DPY19L1: variants seen among roughly 807,000 people sequenced by gnomAD.
DPY19L1 encodes the protein protein C-mannosyl-transferase DPY19L1.
Under a neutral mutation model 96.9 loss-of-function variants are expected in DPY19L1, and 35 were observed. The observed-to-expected ratio is 0.36, with a 90% CI of 0.28 to 0.48. The LOEUF is 0.48. Among genes scored for constraint, DPY19L1 ranks in the 20% least tolerant of loss-of-function variants. DPY19L1 has a pLI of 0.99. For synonymous variants in DPY19L1, 205 were observed against 252.6 expected (o/e 0.81, Z 1.79); for missense variants, 521 against 777.9 (o/e 0.67, Z 3.93).
In DPY19L1 at chr7:34,940,280, A is replaced by G; in HGVS notation, c.1737T>C (p.Phe579=). The G allele has an allele frequency of 6.2e-7, 1 of 1,611,914 alleles. No individual in the cohort carries two copies. The highest frequency in any genetic ancestry group is 8.5e-7 in the Non-Finnish European group (1 of 1,179,812). ...FCKVHPGAIV[F]AILAAMSIQG... is the part of the protein sequence containing the mutation. ...GTATTGACATTGCTGCTAATATAGC[A>G]AACACAATAGCACCAGGATGTACTT... The change falls in exon 19 of 22, where the codon TTT becomes TTC. Residue 579 remains phenylalanine (F), a synonymous_variant. Coordinates refer to ENST00000638088, the MANE Select transcript of DPY19L1 (RefSeq NM_001366673.1).
intron 21 of DPY19L1, among the ~76,000 whole-genome samples, chr7:34,934,368 C>T (rs1295095180): frequency 1.3e-5 from 2 of 152,156 alleles, no homozygotes; most frequent in Admixed American, 6.5e-5. Context: ...AACAATAAAA[C>T]GTGGAACCAT....
chr7:35,023,736 C>T (rs1786049873), intron 1 of DPY19L1, among the ~76,000 whole-genome samples: 1 of 152,058 alleles, frequency 6.6e-6, no homozygotes, highest in Non-Finnish European at 1.5e-5. Flanking sequence ...GCTCCTTCCA[C>T]TGTGACAGAG....
rs746557160 is a variant in DPY19L1 at position 34,949,892 on chromosome 7, T to C, written c.1327A>G (p.Ile443Val). Reference protein sequence around the residue: ...KIFGIADDAHIGNLLTSKFFS... With the variant: ...KIFGIADDAHVGNLLTSKFFS... ...AATTTTGATGTTAGTAAGTTGCCAATATGAGCCTGGTAAGAAATAAAGTTA... is the reference window on the plus strand; with the variant it reads ...AATTTTGATGTTAGTAAGTTGCCAACATGAGCCTGGTAAGAAATAAAGTTA... Residue 443 changes from isoleucine to valine, a missense_variant, in exon 14 of 22, where the codon ATT becomes GTT. Coordinates refer to ENST00000638088, the MANE Select transcript of DPY19L1 (RefSeq NM_001366673.1). The C allele has an allele frequency of 1.3e-6, 2 of 1,552,294 alleles. No individual in the cohort carries two copies. Among genetic ancestry groups the C allele is most frequent in the African/African-American group, 1.4e-5 (1 of 72,538 alleles).
At chr7:35,017,501 CAAAAA>C (rs1161959357) in intron 3 of DPY19L1, among the ~76,000 whole-genome samples, 14 of 13,676 alleles carry the variant, frequency 1.0e-3, no homozygotes, top group African/African-American at 3.9e-3. Context: ...GACTCCGTCT[CAAAAA>C]AAAAAAAAAA....
chr7:34,976,503 T>C (rs552392326), intron 7 of DPY19L1, among the ~76,000 whole-genome samples: 2 of 152,304 alleles, frequency 1.3e-5, no homozygotes, highest in South Asian at 4.1e-4. Flanking sequence ...ATTTAGAACA[T>C]GACATAAACT....
intron 20 of DPY19L1, 153 bp downstream of exon 20, chr7:34,939,123 T>C (rs1227189497): frequency 1.6e-6 from 1 of 627,744 alleles, no homozygotes; most frequent in African/African-American, 1.9e-5. Flanking sequence ...GTTTAGAGCT[T>C]AGCGGTCTTA....
chr7:34,947,859 T>C (rs1198192487), intron 14 of DPY19L1, among the ~76,000 whole-genome samples, 158 bp from the exon 15 acceptor site: 6 of 152,178 alleles, frequency 3.9e-5, no homozygotes, highest in Non-Finnish European at 8.8e-5. Flanking sequence ...TGCATTTCCA[T>C]AGAAATGAAC....
At chr7:34,986,539 G>A (rs1375197706) in intron 7 of DPY19L1, among the ~76,000 whole-genome samples, 1 of 151,890 alleles carries the variant, frequency 6.6e-6, no homozygotes, top group Non-Finnish European at 1.5e-5. Context: ...TTATGATATT[G>A]GAATGTTCAC....
At chr7:35,008,079 T>C (rs149310355) in intron 6 of DPY19L1, among the ~76,000 whole-genome samples, 1,784 of 152,094 alleles carry the variant, frequency 0.012, 28 homozygotes, top group African/African-American at 0.039. Context: ...TGTCTCTCCC[T>C]GGTATGCTTT....
Position 34,940,166 on chromosome 7 carries a change from A to G in DPY19L1, c.1851T>C (p.Tyr617=), listed in dbSNP as rs760795216. 1.0e-4 allele frequency: 162 copies of G among 1,551,222 alleles called. 5 individuals are homozygous for G. The South Asian group carries it at 1.9e-3, about 18-fold the overall frequency. Residue 617 remains tyrosine, a synonymous_variant, in exon 19 of 22, where the codon TAT becomes TAC. Coordinates refer to ENST00000638088, the MANE Select transcript of DPY19L1 (RefSeq NM_001366673.1). ...PQEELIEWIK[Y]STKPDAVFAG... ...TTTTTTTTTTACCTGGTTTAGTACT[A>G]TATTTGATCCATTCTATAAGTTCTT...
At chr7:34,978,336 T>C (rs972828756) in intron 7 of DPY19L1, among the ~76,000 whole-genome samples, 2 of 152,180 alleles carry the variant, frequency 1.3e-5, no homozygotes, top group Non-Finnish European at 2.9e-5. Context: ...TGCTTTTCTA[T>C]ACTGATTATA....
At chr7:34,942,348 C>A (rs1005944069) in intron 17 of DPY19L1, among the ~76,000 whole-genome samples, 2 of 152,176 alleles carry the variant, frequency 1.3e-5, no homozygotes, top group African/African-American at 2.4e-5. Flanking sequence ...GCAATAGACA[C>A]CTCATACATA....
At chr7:35,002,146 AAC>A in intron 6 of DPY19L1, among the ~76,000 whole-genome samples, 1 of 151,082 alleles carries the variant, frequency 6.6e-6, no homozygotes, top group African/African-American at 2.4e-5. Context: ...AAAAAAACAA[AAC>A]AAAAAACAAC....
In DPY19L1 at chr7:34,969,615, G is replaced by A. The variant is rs538881342; in HGVS notation, c.915-83C>T. ...CCAAACTGCTGCAAATTAGAATCTC[G>A]AAATATATATGATCTGGTTATAACA... On this transcript the variant is annotated intron_variant, in intron 8 of 21. Transcript: ENST00000638088. 1.4e-4 allele frequency: 86 copies of A among 611,746 alleles called. No individual in the cohort carries two copies. In the African/African-American group the frequency reaches 1.5e-3, roughly 11 times the overall value. The allele number at this position is 611,746 out of a possible 1,614,324, so 37.9% of individuals were successfully genotyped here.
intron 6 of DPY19L1, among the ~76,000 whole-genome samples, chr7:35,009,799 T>G (rs777261947): frequency 6.6e-6 from 1 of 152,122 alleles, no homozygotes; most frequent in Non-Finnish European, 1.5e-5. Flanking sequence ...CAGTAAGAAG[T>G]AAGACTTCAC....
At chr7:35,004,262 C>T (rs1323526407) in intron 6 of DPY19L1, among the ~76,000 whole-genome samples, 1 of 150,826 alleles carries the variant, frequency 6.6e-6, no homozygotes, top group African/African-American at 2.5e-5. Context: ...CCTCAGGGAA[C>T]CTAAAGACCA....
upstream of DPY19L1, chr7:35,037,515 G>GGGCTCGTCCCTCCCCGCGGGCC (rs1786461913): frequency 6.3e-6 from 2 of 315,902 alleles, no homozygotes; most frequent in East Asian, 9.4e-5. Context: ...GGTGGAGGGC[G>GGGCTCGTCCCTCCCCGCGGGCC]GGCTCGTCCC....
chr7:34,947,675 T>C lies in DPY19L1; in HGVS notation c.1449A>G (p.Leu483=), dbSNP rs375126437. The change falls in exon 15 of 22, where the codon TTA becomes TTG. Residue 483 remains leucine, a synonymous_variant. Coordinates refer to ENST00000638088, the MANE Select transcript of DPY19L1 (RefSeq NM_001366673.1). ...KETPLRYTKT[L]LLPVVLVVFV... is the part of the protein sequence containing the mutation. Reference sequence around the variant, plus strand: ...ACACTACAAGAACAACTGGAAGCAATAATGTCTTTGTGTATCTCAGTGGAG... The same window carrying C: ...ACACTACAAGAACAACTGGAAGCAACAATGTCTTTGTGTATCTCAGTGGAG... 214 of 1,612,532 alleles carry C rather than the reference T, an allele frequency of 1.3e-4. 1 individual carries two copies. The African/African-American group carries it at 2.5e-3, about 19-fold the overall frequency.
chr7:34,999,919 T>C (rs764102274), intron 6 of DPY19L1, among the ~76,000 whole-genome samples: 11 of 152,298 alleles, frequency 7.2e-5, no homozygotes, highest in South Asian at 2.1e-4. Context: ...CGTATCAGAA[T>C]TGCTGAGTTT....
Sources: allele counts gnomAD v4.1 joint callset (sites outside exome capture counted in the v4.1 genomes callset), GRCh38; gene constraint gnomAD v4.1.1; transcripts MANE v1.5; gene names NCBI Gene and HGNC (gene_info 2026-07-23, HGNC 2026-07-21).